TLK2: variants seen among roughly 807,000 people sequenced by gnomAD.
TLK2 encodes the protein tousled like kinase 2, also known as serine/threonine-protein kinase tousled-like 2.
Under a neutral mutation model 117.3 loss-of-function variants are expected in TLK2, and 6 were observed. That is an observed-to-expected ratio of 0.05 (90% CI 0.03 to 0.10). The LOEUF (loss-of-function observed/expected upper bound fraction) is 0.10, where lower values mean the gene tolerates loss of function less well. TLK2 is among the 10% of genes least tolerant of loss of function. The pLI, the probability that TLK2 is intolerant of heterozygous loss-of-function variation, is 1.00. For missense variants in TLK2, 299 were observed against 901.2 expected, an observed-to-expected ratio of 0.33 and a Z score of 8.56; for synonymous variants, 257 against 316.7, an observed-to-expected ratio of 0.81 and a Z score of 2.00.
intron 11 of TLK2, 64 bp downstream of exon 11, chr17:62,565,201 G>A (rs1182407832): frequency 3.2e-5 from 49 of 1,530,418 alleles, no homozygotes; most frequent in Non-Finnish European, 4.0e-5. Context: ...TAGGTTTTCT[G>A]TAATTGTAGT....
chr17:62,541,953 G>A (rs1272511383), intron 7 of TLK2, among the ~76,000 whole-genome samples: 2 of 152,170 alleles, frequency 1.3e-5, no homozygotes, highest in African/African-American at 2.4e-5. Flanking sequence ...TATATATCAG[G>A]CTAGAGAATA....
upstream of TLK2, among the ~76,000 whole-genome samples, chr17:62,475,096 T>C (rs1037611234): frequency 6.6e-6 from 1 of 152,172 alleles, no homozygotes; most frequent in African/African-American, 2.4e-5. Flanking sequence ...CAAACGTTTT[T>C]CCATTTTGTT....
intron 16 of TLK2, among the ~76,000 whole-genome samples, chr17:62,593,880 C>T (rs2082263567): frequency 6.7e-6 from 1 of 150,234 alleles, no homozygotes; most frequent in African/African-American, 2.5e-5. Context: ...TCAACCTCTG[C>T]CTCCTGGGTT....
At chr17:62,483,044 ACT>A (rs1396221383) in intron 2 of TLK2, among the ~76,000 whole-genome samples, 1 of 152,080 alleles carries the variant, frequency 6.6e-6, no homozygotes, top group Non-Finnish European at 1.5e-5. Flanking sequence ...ACAAATGTAA[ACT>A]CTCTGATCTA....
intron 7 of TLK2, chr17:62,551,878 T>C (rs755810656): frequency 1.7e-4 from 36 of 205,894 alleles, no homozygotes; most frequent in Non-Finnish European, 3.5e-4. Flanking sequence ...TCATGGATAA[T>C]GTTTGTGTGT....
chr17:62,473,406 C>T (rs1409950338), intron 1 of TLK2, among the ~76,000 whole-genome samples: 1 of 152,188 alleles, frequency 6.6e-6, no homozygotes, highest in African/African-American at 2.4e-5. Context: ...ACCCACACAC[C>T]AATCACTAAA....
At chr17:62,503,027 A>T (rs112333200) in intron 2 of TLK2, among the ~76,000 whole-genome samples, 3 of 147,240 alleles carry the variant, frequency 2.0e-5, no homozygotes, top group Non-Finnish European at 4.5e-5. Flanking sequence ...TAAATGTAGG[A>T]CCTCAGTTTC....
intron 14 of TLK2, 94 bp from the exon 15 acceptor site, chr17:62,580,017 A>G: frequency 1.2e-6 from 1 of 852,704 alleles, no homozygotes; most frequent in Non-Finnish European, 1.8e-6. Context: ...AGCTATAATT[A>G]TATGTATAAT....
At chr17:62,535,559 G>A (rs374994661) in intron 6 of TLK2, among the ~76,000 whole-genome samples, 1 of 152,030 alleles carries the variant, frequency 6.6e-6, no homozygotes, top group African/African-American at 2.4e-5. Flanking sequence ...CTGAGGTCAG[G>A]AGTTCGAGAC....
chr17:62,512,309 GC>G (rs1373977625), intron 2 of TLK2, among the ~76,000 whole-genome samples: 9 of 134,518 alleles, frequency 6.7e-5, no homozygotes, highest in African/African-American at 2.5e-4. Flanking sequence ...TGCAACCTCT[GC>G]CCCCTGGGTT....
At chr17:62,563,001 G>A (rs1328029409) in intron 10 of TLK2, among the ~76,000 whole-genome samples, 5 of 152,124 alleles carry the variant, frequency 3.3e-5, no homozygotes, top group Non-Finnish European at 5.9e-5. Flanking sequence ...ACTTGTATGA[G>A]AATATTCATG....
intron 7 of TLK2, among the ~76,000 whole-genome samples, chr17:62,548,533 G>T (rs2078137215): frequency 6.6e-6 from 1 of 150,940 alleles, no homozygotes; most frequent in African/African-American, 2.4e-5. Flanking sequence ...TGCCTGTCTT[G>T]GCCTCCCAAA....
At chr17:62,508,722 TTTGGG>T (rs1374378010) in intron 2 of TLK2, among the ~76,000 whole-genome samples, 1 of 152,168 alleles carries the variant, frequency 6.6e-6, no homozygotes, top group Non-Finnish European at 1.5e-5. Context: ...ATCGCAGCAC[TTTGGG>T]AGGCCGAGGG....
intron 7 of TLK2, chr17:62,550,463 G>A (rs1234261053): frequency 6.6e-6 from 1 of 152,218 alleles, no homozygotes; most frequent in Non-Finnish European, 1.5e-5. Context: ...TGGATTGTAA[G>A]CTTCATTAAG....
Position 62,565,010 on chromosome 17 carries a change from G to A in TLK2, c.841G>A (p.Glu281Lys). Residue 281 changes from glutamate (E) to lysine (K), a missense_variant, in exon 11 of 22, where the codon GAG (glutamate) becomes AAG (lysine). Glu to Lys is a moderately conservative substitution (Grantham distance 56, BLOSUM62 1). Around this residue, in one of 4 missense-constraint regions of TLK2, gnomAD observed 94 missense variants for 282.6 expected, o/e 0.33. Coordinates refer to ENST00000346027, the MANE Select transcript of TLK2 (RefSeq NM_006852.6). ...KKLLIEKSKQ[E>K]KMACRDKSMQ... ...GTCTGTTTCCCCTAAGTCAAAACAA[G>A]AGAAGATGGCGTGTAGAGATAAGAG... 6.2e-7 allele frequency: 1 copy of A among 1,607,652 alleles called. No individual in the cohort carries two copies. The highest frequency in any genetic ancestry group is 8.5e-7 in the Non-Finnish European group (1 of 1,178,594).
At chr17:62,578,079 C>G (rs2080943228) in intron 13 of TLK2, among the ~76,000 whole-genome samples, 1 of 152,036 alleles carries the variant, frequency 6.6e-6, no homozygotes, top group East Asian at 1.9e-4. Flanking sequence ...CTTAAGTCAC[C>G]AAGTGTAATC....
intron 2 of TLK2, among the ~76,000 whole-genome samples, chr17:62,501,387 TAGAA>T (rs746576166): frequency 1.3e-5 from 2 of 152,076 alleles, no homozygotes; most frequent in Admixed American, 6.6e-5. Context: ...TTTGCCTTAA[TAGAA>T]AGAGAAATCT....
intron 15 of TLK2, among the ~76,000 whole-genome samples, chr17:62,582,133 A>T (rs1215468882): frequency 6.6e-6 from 1 of 152,128 alleles, no homozygotes; most frequent in Non-Finnish European, 1.5e-5. Flanking sequence ...AGTGGAAAAC[A>T]TTTGGCTGTG....
intron 1 of TLK2, among the ~76,000 whole-genome samples, chr17:62,471,813 G>A (rs1598049512): frequency 6.6e-6 from 1 of 151,342 alleles, no homozygotes; most frequent in Non-Finnish European, 1.5e-5. Context: ...AAGAGCAGGA[G>A]GGGGAGCAGT....
Sources: gnomAD v4.1 joint callset for allele counts (sites outside exome capture counted in the v4.1 genomes callset) on GRCh38, gnomAD v4.1.1 for gene constraint, gnomAD v4.1.1 regional missense constraint, MANE v1.5 for transcripts, NCBI Gene and HGNC (gene_info 2026-07-23, HGNC 2026-07-21) for gene names.